Variants in PSMG1 observed in about 807,000 individuals in gnomAD.
PSMG1 encodes proteasome assembly chaperone 1.
Under a neutral mutation model 37.2 loss-of-function variants are expected in PSMG1, and 23 were observed. The ratio of observed to expected loss-of-function variants is 0.62; its 90% CI spans 0.44 to 0.88. The LOEUF (loss-of-function observed/expected upper bound fraction) is 0.88, where lower values mean the gene tolerates loss of function less well. PSMG1 is among the 40% of genes least tolerant of loss of function. The probability of loss-of-function intolerance (pLI) is 0.00; values close to 1 mark genes in which losing one functional copy is unlikely to be tolerated. For missense variants in PSMG1, 340 were observed against 344.2 expected (o/e 0.99, Z 0.10); for synonymous variants, 127 against 128.0 (o/e 0.99, Z 0.05).
chr21:39,183,348 G>C lies in PSMG1; in HGVS notation c.38C>G (p.Pro13Arg), dbSNP rs150047855. The C allele has an allele frequency of 1.3e-5, 21 of 1,573,706 alleles. No homozygotes were observed. The highest frequency in any genetic ancestry group is 1.7e-4 in the Middle Eastern group (1 of 6,032). Residue 13 changes from proline to arginine, a missense_variant, in exon 1 of 7, where the codon CCG (proline) becomes CGG (arginine). Coordinates refer to ENST00000331573, the MANE Select transcript of PSMG1 (RefSeq NM_003720.4). ...ATFFGEVVKAPCRAGTEDEEE... is the reference protein window; with the variant it reads ...ATFFGEVVKARCRAGTEDEEE... ...TTCGTCCTCAGTCCCAGCTCGGCAC[G>C]GCGCCTTCACCACCTCTCCGAAGAA... is the stretch of plus-strand genomic sequence containing the variant.
intron 6 of PSMG1, among the ~76,000 whole-genome samples, chr21:39,177,219 A>T (rs770444441): frequency 6.6e-6 from 1 of 152,246 alleles, no homozygotes; most frequent in Non-Finnish European, 1.5e-5. Flanking sequence ...GCACTGCATT[A>T]ATCTATCATA....
chr21:39,179,129 C>A (rs67649754), intron 4 of PSMG1, among the ~76,000 whole-genome samples: 11,633 of 152,152 alleles, frequency 0.076, 839 homozygotes, highest in East Asian at 0.43. Context: ...CCCCCTTCAC[C>A]TTCCACCATG....
intron 2 of PSMG1, 137 bp downstream of exon 2, chr21:39,181,635 G>T: frequency 1.9e-6 from 1 of 521,532 alleles, no homozygotes; most frequent in South Asian, 3.3e-5. Flanking sequence ...GAACAGGAGA[G>T]AGATTTTACT....
intron 4 of PSMG1, among the ~76,000 whole-genome samples, chr21:39,179,037 G>C (rs142052328): frequency 2.0e-5 from 3 of 151,982 alleles, no homozygotes; most frequent in East Asian, 1.9e-4. Flanking sequence ...CTCACTTCTC[G>C]CTCAGTTCAT....
rs934051136 is a variant in PSMG1, at chr21:39,183,042, T to C, written c.134+210A>G. 5.3e-6 allele frequency: 3 copies of C among 564,002 alleles called. No homozygotes were observed. The Admixed American group carries it at 1.3e-4, about 24-fold the overall frequency. 34.9% of individuals were successfully genotyped at this position (564,002 alleles called of 1,614,324 possible). A position where few individuals can be genotyped will look rare whatever the true frequency, so the allele number is the denominator to read the frequency against. On this transcript the variant is annotated intron_variant, in intron 1 of 6. Coordinates refer to ENST00000331573, the MANE Select transcript of PSMG1 (RefSeq NM_003720.4). ...CTGGACTCCACGAAACGCCAGCAGA[T>C]CCACGCGAGAACCACACACACCTGG...
chr21:39,180,205 C>A, intron 3 of PSMG1, 80 bp downstream of exon 3: 1 of 1,457,828 alleles, frequency 6.9e-7, no homozygotes, highest in South Asian at 1.4e-5. Flanking sequence ...AAAGATTTGC[C>A]ATACTAAAGT....
intron 2 of PSMG1, 67 bp from the exon 3 acceptor site, chr21:39,180,503 G>C (rs2030791033): frequency 7.0e-7 from 1 of 1,434,670 alleles, no homozygotes; most frequent in African/African-American, 1.4e-5. Context: ...TCAATAAAAA[G>C]TAAGCTCAAG....
At chr21:39,177,695 G>A in intron 5 of PSMG1, 124 bp from the exon 6 acceptor site, 4 of 648,812 alleles carry the variant, frequency 6.2e-6, no homozygotes, top group Non-Finnish European at 8.9e-6. Flanking sequence ...TTCAATCAAG[G>A]TATTTACTGC....
Position 39,180,393 on chromosome 21 carries a change from T to A in PSMG1, c.285A>T (p.Glu95Asp). 1 of 1,608,588 alleles carries A rather than the reference T, an allele frequency of 6.2e-7. No individual in the cohort carries two copies. Residue 95 changes from glutamate to aspartate, a missense_variant, in exon 3 of 7, where the codon GAA becomes GAT. Physicochemically the swap from Glu to Asp is conservative, Grantham distance 45 (BLOSUM62 2). Transcript: ENST00000331573. ...CATTCCAGAGTTTAGCACAACCAACTTCCTCCCAGACTCCTGAATTCATAA... is the reference window on the plus strand; with the variant it reads ...CATTCCAGAGTTTAGCACAACCAACATCCTCCCAGACTCCTGAATTCATAA... ...SFVMNSGVWEEVGCAKLWNEW... is the reference protein window; with the variant it reads ...SFVMNSGVWEDVGCAKLWNEW...
rs773459279 is a variant in PSMG1, at chr21:39,180,454, C to T, written c.242-18G>A. The T allele has an allele frequency of 1.3e-6, 2 of 1,563,696 alleles. No individual in the cohort carries two copies. The highest frequency in any genetic ancestry group is 1.7e-6 in the Non-Finnish European group (2 of 1,154,154). The stretch of plus-strand genomic sequence containing the variant: ...CAGAAATGCTGTAAAAAACAATTCA[C>T]ATAAGTTAGTGTTTGGCTCTGCAAG... On this transcript the variant is annotated intron_variant, in intron 2 of 6. Coordinates refer to ENST00000331573, the MANE Select transcript of PSMG1 (RefSeq NM_003720.4).
At chr21:39,175,717 G>T in intron 6 of PSMG1, 53 bp from the exon 7 acceptor site, 1 of 1,148,322 alleles carries the variant, frequency 8.7e-7, no homozygotes, top group Non-Finnish European at 1.3e-6. Context: ...TTCAGGCAGA[G>T]GCAACACCCC....
chr21:39,177,319 G>C (rs2030661261), intron 6 of PSMG1, 116 bp downstream of exon 6: 1 of 1,053,444 alleles, frequency 9.5e-7, no homozygotes. Context: ...GCTTCGCTTT[G>C]AGAAGAATGG....
chr21:39,183,418 G>A lies in PSMG1; in HGVS notation c.-33C>T. On this transcript the variant is annotated 5_prime_UTR_variant, in exon 1 of 7. Transcript: ENST00000331573. Reference sequence around the variant, plus strand: ...CCGTGACCGGCTGGACACAACTGCAGCGCCGCGGGACCGCACGCCGGCTTG... The same window carrying A: ...CCGTGACCGGCTGGACACAACTGCAACGCCGCGGGACCGCACGCCGGCTTG... The A allele has an allele frequency of 1.3e-6, 2 of 1,558,682 alleles. No individual in the cohort carries two copies. Among genetic ancestry groups the A allele is most frequent in the South Asian group, 2.3e-5 (2 of 85,482 alleles).
chr21:39,183,198 G>A (rs1307959423), intron 1 of PSMG1, 54 bp downstream of exon 1: 13 of 1,487,538 alleles, frequency 8.7e-6, no homozygotes, highest in Admixed American at 6.3e-5. Context: ...CGGCTGCCAG[G>A]CCCGCGCACC....
chr21:39,182,810 T>A (rs2030903182), intron 1 of PSMG1, among the ~76,000 whole-genome samples: 1 of 152,046 alleles, frequency 6.6e-6, no homozygotes, highest in African/African-American at 2.4e-5. Flanking sequence ...GGGTGCAGGT[T>A]TAAAAAGTTT....
Position 39,183,418 on chromosome 21 carries a change from G to C in PSMG1, c.-33C>G. ...CCGTGACCGGCTGGACACAACTGCA[G>C]CGCCGCGGGACCGCACGCCGGCTTG... On this transcript the variant is annotated 5_prime_UTR_variant, in exon 1 of 7. Transcript: ENST00000331573. The C allele has an allele frequency of 6.4e-7, 1 of 1,558,682 alleles. No homozygotes were observed. The highest frequency in any genetic ancestry group is 8.6e-7 in the Non-Finnish European group (1 of 1,157,816).
At position 39,176,402 on chromosome 21, in the gene PSMG1, C is replaced by T. The variant is rs536770601; in HGVS notation, c.793-738G>A. On this transcript the variant is annotated intron_variant, in intron 6 of 6. Coordinates refer to ENST00000331573, the MANE Select transcript of PSMG1 (RefSeq NM_003720.4). The stretch of plus-strand genomic sequence containing the variant: ...CAGCAGTAAACAAAACAGCCCAGCC[C>T]CTGCCCATGGGAACTCATCTCTGAG... Among the ~76,000 whole-genome samples the T allele has an allele frequency of 1.3e-3, 194 of 152,320 alleles. 1 individual carries two copies. Among genetic ancestry groups the T allele is most frequent in the Admixed American group, 3.0e-3 (46 of 15,302 alleles).
intron 2 of PSMG1, among the ~76,000 whole-genome samples, chr21:39,181,349 C>G (rs1418048955): frequency 6.6e-6 from 1 of 151,976 alleles, no homozygotes; most frequent in Admixed American, 6.5e-5. Context: ...GTTGCCCAGG[C>G]TGGTCTCAAA....
In PSMG1 at chr21:39,177,472, G is replaced by A. The variant is rs2030668616; in HGVS notation, c.755C>T (p.Pro252Leu). The stretch of plus-strand genomic sequence containing the variant: ...CTTCAAGCTTCTGGTAGAAAGTATA[G>A]GCTTAAAAGCTTCCACTGTGATTAG... Reference protein sequence around the residue: ...LDLITVEAFKPILSTRSLKGL... With the variant: ...LDLITVEAFKLILSTRSLKGL... Residue 252 changes from proline (P) to leucine (L), a missense_variant, in exon 6 of 7, where the codon CCT (proline) becomes CTT (leucine). Physicochemically the swap from Pro to Leu is moderately conservative, Grantham distance 98. Coordinates refer to ENST00000331573, the MANE Select transcript of PSMG1 (RefSeq NM_003720.4). 1 of 1,605,990 alleles carries A rather than the reference G, an allele frequency of 6.2e-7. No individual in the cohort carries two copies. Among genetic ancestry groups the A allele is most frequent in the East Asian group, 2.2e-5 (1 of 44,446 alleles).
Sources: gnomAD v4.1 joint callset for allele counts (sites outside exome capture counted in the v4.1 genomes callset) on GRCh38, gnomAD v4.1.1 for gene constraint, MANE v1.5 for transcripts, NCBI Gene and HGNC (gene_info 2026-07-23, HGNC 2026-07-21) for gene names.